Variants in CNTN4 observed in about 807,000 individuals in gnomAD.
The protein encoded by CNTN4 is contactin-4.
Under a neutral mutation model 122.5 loss-of-function variants are expected in CNTN4, and 77 were observed. The observed-to-expected ratio is 0.63, with a 90% CI of 0.52 to 0.76. The LOEUF (loss-of-function observed/expected upper bound fraction) is 0.76, where lower values mean the gene tolerates loss of function less well. Among genes scored for constraint, CNTN4 ranks in the 30% least tolerant of loss-of-function variants. The pLI, the probability that CNTN4 is intolerant of heterozygous loss-of-function variation, is 0.00. For synonymous variants in CNTN4, 512 were observed against 447.0 expected (o/e 1.15, Z -1.83); for missense variants, 1,256 against 1,259.1 (o/e 1.00, Z 0.04).
rs1371530077 is a variant in CNTN4, at chr3:3,043,440, G to C, written c.2699-152G>C. Reference sequence around the variant, plus strand: ...TGAATCTTTTTCCATTTGCAATGCTGTATCTCATCAGATTTTAGTGACCTT... The same window carrying C: ...TGAATCTTTTTCCATTTGCAATGCTCTATCTCATCAGATTTTAGTGACCTT... On this transcript the variant is annotated intron_variant, in intron 22 of 24. Coordinates refer to ENST00000418658, the MANE Select transcript of CNTN4 (RefSeq NM_175607.3). The C allele has an allele frequency of 8.2e-6, 6 of 732,600 alleles. No homozygotes were observed. In the Admixed American group the frequency reaches 1.2e-4, roughly 15 times the overall value. 45.4% of individuals were successfully genotyped at this position (732,600 alleles called of 1,614,324 possible).
At chr3:2,737,158 A>G (rs558839190) in intron 5 of CNTN4, among the ~76,000 whole-genome samples, 6 of 151,082 alleles carry the variant, frequency 4.0e-5, no homozygotes, top group Non-Finnish European at 8.8e-5. Context: ...TTGGCTCACT[A>G]CAACCTCCCC....
At chr3:2,852,280 C>T (rs557100513) in intron 7 of CNTN4, among the ~76,000 whole-genome samples, 1 of 152,078 alleles carries the variant, frequency 6.6e-6, no homozygotes, top group South Asian at 2.1e-4. Context: ...TTATTAGCTC[C>T]AAGAGATGAG....
intron 4 of CNTN4, among the ~76,000 whole-genome samples, chr3:2,660,790 T>C (rs1245829569): frequency 6.6e-6 from 1 of 152,192 alleles, no homozygotes; most frequent in African/African-American, 2.4e-5. Flanking sequence ...ATGACAGATA[T>C]AAGATTGAAG....
At chr3:2,390,733 C>T (rs1268407791) in intron 3 of CNTN4, among the ~76,000 whole-genome samples, 1 of 152,134 alleles carries the variant, frequency 6.6e-6, no homozygotes, top group African/African-American at 2.4e-5. Flanking sequence ...AGAATTAAAG[C>T]AGTTTTACAA....
intron 2 of CNTN4, among the ~76,000 whole-genome samples, chr3:2,130,312 A>G (rs2034390827): frequency 6.6e-6 from 1 of 152,212 alleles, no homozygotes; most frequent in South Asian, 2.1e-4. Flanking sequence ...AACTGACACT[A>G]TAAGCAGGAG....
At chr3:2,454,980 T>A (rs919440036) in intron 3 of CNTN4, among the ~76,000 whole-genome samples, 5 of 152,106 alleles carry the variant, frequency 3.3e-5, no homozygotes, top group Non-Finnish European at 7.4e-5. Flanking sequence ...TGATTATAAA[T>A]AACTAAAAGG....
intron 4 of CNTN4, among the ~76,000 whole-genome samples, chr3:2,667,565 T>A (rs910756932): frequency 1.3e-5 from 2 of 152,034 alleles, no homozygotes; most frequent in African/African-American, 2.4e-5. Context: ...GATGGTAGTT[T>A]CTTTTGCTGT....
At chr3:2,885,910 G>A (rs1465878693) in intron 9 of CNTN4, among the ~76,000 whole-genome samples, 2 of 152,148 alleles carry the variant, frequency 1.3e-5, no homozygotes, top group African/African-American at 4.8e-5. Flanking sequence ...GAAGCCTTAC[G>A]TACGGCTTCT....
At chr3:2,168,861 T>A (rs951898831) in intron 2 of CNTN4, among the ~76,000 whole-genome samples, 6 of 152,172 alleles carry the variant, frequency 3.9e-5, no homozygotes, top group African/African-American at 1.4e-4. Context: ...CTTTGTTTTT[T>A]CGAAAAGAAA....
chr3:2,138,387 T>TGG (rs144627834), intron 2 of CNTN4, among the ~76,000 whole-genome samples: 1 of 151,898 alleles, frequency 6.6e-6, no homozygotes, highest in Non-Finnish European at 1.5e-5. Context: ...CTTCTTATAG[T>TGG]GGGGGGTATC....
intron 2 of CNTN4, among the ~76,000 whole-genome samples, chr3:2,132,757 C>G (rs945152805): frequency 6.6e-6 from 1 of 152,138 alleles, no homozygotes; most frequent in African/African-American, 2.4e-5. Context: ...AATAAGATTA[C>G]TGTCATAAAG....
chr3:2,313,674 T>C (rs1559444194), intron 2 of CNTN4, among the ~76,000 whole-genome samples: 2 of 152,114 alleles, frequency 1.3e-5, no homozygotes, highest in African/African-American at 2.4e-5. Context: ...ATATGTTTGA[T>C]ATACTTTCTT....
intron 2 of CNTN4, among the ~76,000 whole-genome samples, chr3:2,250,614 G>A: frequency 6.6e-6 from 1 of 151,830 alleles, no homozygotes; most frequent in Non-Finnish European, 1.5e-5. Context: ...TTACATGTAT[G>A]GAAACATCAC....
At position 2,768,739 on chromosome 3, in the gene CNTN4, T is replaced by A. The variant is rs575387708; in HGVS notation, c.358+23042T>A. ...CCAGCACTTTATGCCTTGAAAAAAA[T>A]AACTAATAGTTAAGTTGTCTATATC... On this transcript the variant is annotated intron_variant, in intron 6 of 24. Transcript: ENST00000418658. 7.0e-4 allele frequency among the ~76,000 whole-genome samples: 107 copies of A among 152,364 alleles called. 1 individual carries two copies. The highest frequency in any genetic ancestry group is 2.4e-3 in the African/African-American group (101 of 41,590).
chr3:2,666,914 A>T (rs1278860999), intron 4 of CNTN4, among the ~76,000 whole-genome samples: 1 of 152,114 alleles, frequency 6.6e-6, no homozygotes, highest in Non-Finnish European at 1.5e-5. Context: ...TACAAAGGAC[A>T]TGAACTCATC....
intron 23 of CNTN4, among the ~76,000 whole-genome samples, chr3:3,052,692 C>T: frequency 6.6e-6 from 1 of 152,188 alleles, no homozygotes; most frequent in Non-Finnish European, 1.5e-5. Context: ...TCAAATGAAT[C>T]CACCTCCAAA....
intron 2 of CNTN4, among the ~76,000 whole-genome samples, chr3:2,121,281 C>T (rs570528464): frequency 6.6e-6 from 1 of 152,088 alleles, no homozygotes; most frequent in Non-Finnish European, 1.5e-5. Flanking sequence ...GGGCAGATCA[C>T]GAGGTCAGAA....
rs139315042 is a variant in CNTN4 at position 2,935,326 on chromosome 3, G to A, written c.1358+9547G>A. Among the ~76,000 whole-genome samples, 600 of 152,148 alleles carry A rather than the reference G, an allele frequency of 3.9e-3. 6 individuals are homozygous for A. The highest frequency in any genetic ancestry group is 0.013 in the African/African-American group (557 of 41,472). On this transcript the variant is annotated intron_variant, in intron 13 of 24. Coordinates refer to ENST00000418658, the MANE Select transcript of CNTN4 (RefSeq NM_175607.3). ...TTTTTAAAAAGTGTCCAATCTAAAG[G>A]TAACATTTGATTTTCAAAAAAAAAT...
chr3:2,973,606 T>C (rs1210011213), intron 13 of CNTN4, among the ~76,000 whole-genome samples: 1 of 152,078 alleles, frequency 6.6e-6, no homozygotes, highest in Non-Finnish European at 1.5e-5. Context: ...TTGTCATCAA[T>C]GTCTCTAAAA....
Sources: gnomAD v4.1 joint callset for allele counts (sites outside exome capture counted in the v4.1 genomes callset) on GRCh38, gnomAD v4.1.1 for gene constraint, MANE v1.5 for transcripts, NCBI Gene and HGNC (gene_info 2026-07-23, HGNC 2026-07-21) for gene names.